Variants in SERTAD2 observed in about 807,000 individuals in gnomAD.
The protein encoded by SERTAD2 is SERTA domain containing 2.
SERTAD2 carries 2 observed loss-of-function variants against 15.4 expected under a neutral mutation model. That is an observed-to-expected ratio of 0.13 (90% CI 0.05 to 0.41). SERTAD2 has a LOEUF of 0.41. Ranked by LOEUF, SERTAD2 falls within the 10% of genes least tolerant of loss-of-function variation. The pLI is 0.99. For synonymous variants in SERTAD2, 180 were observed against 178.0 expected (o/e 1.01, Z -0.09); for missense variants, 333 against 409.7 (o/e 0.81, Z 1.62).
Position 64,633,884 on chromosome 2 carries a change from A to C in SERTAD2, c.*2043T>G, listed in dbSNP as rs1005134899. ...GGAAAAAGTAAATTAGAATGTAGAA[A>C]GCCTTTATCATATCATACTCAAATC... On this transcript the variant is annotated 3_prime_UTR_variant, in exon 2 of 2. Coordinates refer to ENST00000313349, the MANE Select transcript of SERTAD2 (RefSeq NM_014755.3). 12 of 152,560 alleles carry C rather than the reference A, an allele frequency of 7.9e-5. No individual in the cohort carries two copies. Among genetic ancestry groups the C allele is most frequent in the African/African-American group, 2.7e-4 (11 of 41,458 alleles). The allele number at this position is 152,560 out of a possible 1,614,324, so 9.5% of individuals were successfully genotyped here.
intron 1 of SERTAD2, among the ~76,000 whole-genome samples, chr2:64,650,156 C>G (rs1030257443): frequency 2.6e-5 from 4 of 152,164 alleles, no homozygotes; most frequent in African/African-American, 9.7e-5. Context: ...TGGGATCCCT[C>G]AGACCACAAA....
At chr2:64,638,721 T>C (rs995112252) in intron 1 of SERTAD2, among the ~76,000 whole-genome samples, 3 of 152,124 alleles carry the variant, frequency 2.0e-5, no homozygotes, top group Admixed American at 6.5e-5. Context: ...TCAATCACAA[T>C]GACCAGTCCA....
chr2:64,643,361 T>C (rs1183746238), intron 1 of SERTAD2, among the ~76,000 whole-genome samples: 1 of 152,222 alleles, frequency 6.6e-6, no homozygotes, highest in Non-Finnish European at 1.5e-5. Flanking sequence ...TCTGCCGTGG[T>C]GTACGGGCGG....
In SERTAD2 at chr2:64,632,805, G is replaced by GT. The variant is rs1355733336; in HGVS notation, c.*3121dup. Reference sequence around the variant, plus strand: ...CATTCCTACCATACATTCTGCACATGTTACGATCCAGATGTTAGCGCTCCA... The same window carrying GT: ...CATTCCTACCATACATTCTGCACATGTTTACGATCCAGATGTTAGCGCTCCA... On this transcript the variant is annotated 3_prime_UTR_variant, in exon 2 of 2. Transcript: ENST00000313349. 1 of 150,018 alleles carries GT rather than the reference G, an allele frequency of 6.7e-6. No homozygotes were observed. Among genetic ancestry groups the GT allele is most frequent in the African/African-American group, 2.5e-5 (1 of 39,406 alleles). 9.3% of individuals were successfully genotyped at this position (150,018 alleles called of 1,614,324 possible). A position where few individuals can be genotyped will look rare whatever the true frequency, so the allele number is the denominator to read the frequency against.
rs1290992728 is a variant in SERTAD2, at chr2:64,636,592, T to A, written c.280A>T (p.Thr94Ser). 6.2e-7 allele frequency: 1 copy of A among 1,604,386 alleles called. No individual in the cohort carries two copies. The highest frequency in any genetic ancestry group is 8.5e-7 in the Non-Finnish European group (1 of 1,174,090). Residue 94 changes from threonine (T) to serine (S), a missense_variant, in exon 2 of 2, where the codon ACC (threonine) becomes TCC (serine). Physicochemically the swap from Thr to Ser is moderately conservative, Grantham distance 58. Around this residue, in one of 2 missense-constraint regions of SERTAD2, gnomAD observed 332 missense variants for 392.9 expected, o/e 0.84. Coordinates refer to ENST00000313349, the MANE Select transcript of SERTAD2 (RefSeq NM_014755.3). ...TCTCGGTAGCTGTCGCTGGGCTCGG[T>A]GGTGGGCTGGGAGGAGGGGGTGAAC... ...PMFTPSSQPT[T>S]EPSDSYREAP...
intron 1 of SERTAD2, 135 bp from the exon 2 acceptor site, chr2:64,637,010 T>G: frequency 1.6e-6 from 1 of 611,054 alleles, no homozygotes; most frequent in Non-Finnish European, 2.8e-6. Flanking sequence ...ACACGTGGAT[T>G]AATTAGGGGT....
At position 64,636,808 on chromosome 2, in the gene SERTAD2, C is replaced by T. The variant is rs996067433; in HGVS notation, c.64G>A (p.Val22Met). The T allele has an allele frequency of 3.7e-6, 6 of 1,614,040 alleles. No homozygotes were observed. The highest frequency in any genetic ancestry group is 1.1e-5 in the South Asian group (1 of 91,078). The part of the protein sequence containing the change: ...EHEDGLEGKI[V>M]SPCDGPSKVS... ...TTGGATGGACCGTCACAGGGAGACA[C>T]GATTTTGCCTTCCAGCCCATCTTCA... The change falls in exon 2 of 2, where the codon GTG becomes ATG. Residue 22 changes from valine (V) to methionine (M), a missense_variant. Physicochemically the swap from Val to Met is conservative, Grantham distance 21. This residue lies in a region of SERTAD2 where 332 missense variants were observed against 392.9 expected (regional missense o/e 0.84). Transcript: ENST00000313349.
At chr2:64,648,443 A>T (rs1674948955) in intron 1 of SERTAD2, among the ~76,000 whole-genome samples, 1 of 152,212 alleles carries the variant, frequency 6.6e-6, no homozygotes, top group Admixed American at 6.5e-5. Context: ...AAGAATAACT[A>T]CTTTGGGACT....
In SERTAD2 at chr2:64,635,910, C is replaced by G; in HGVS notation, c.*17G>C. On this transcript the variant is annotated 3_prime_UTR_variant, in exon 2 of 2. Transcript: ENST00000313349. ...GCTCTGGGGTCTGGGTGGGCATAGT[C>G]GCTGGGTCCCTGGGTCTTAGGACCC... The G allele has an allele frequency of 1.3e-6, 2 of 1,585,914 alleles. No individual in the cohort carries two copies. Among genetic ancestry groups the G allele is most frequent in the Non-Finnish European group, 1.7e-6 (2 of 1,156,240 alleles).
At position 64,632,673 on chromosome 2, in the gene SERTAD2, T is replaced by C. The variant is rs1436219642; in HGVS notation, c.*3254A>G. On this transcript the variant is annotated 3_prime_UTR_variant, in exon 2 of 2. Coordinates refer to ENST00000313349, the MANE Select transcript of SERTAD2 (RefSeq NM_014755.3). ...CTTTTGCATATTTCAAATAGACCCATATTAGAGAAGAGTAAAAATGAATGC... is the reference window on the plus strand; with the variant it reads ...CTTTTGCATATTTCAAATAGACCCACATTAGAGAAGAGTAAAAATGAATGC... 1 of 152,576 alleles carries C rather than the reference T, an allele frequency of 6.6e-6. No homozygotes were observed. Among genetic ancestry groups the C allele is most frequent in the African/African-American group, 2.4e-5 (1 of 41,436 alleles). 9.5% of individuals were successfully genotyped at this position (152,576 alleles called of 1,614,324 possible).
chr2:64,649,179 T>C (rs1674961207), intron 1 of SERTAD2, among the ~76,000 whole-genome samples: 1 of 152,148 alleles, frequency 6.6e-6, no homozygotes, highest in Non-Finnish European at 1.5e-5. Flanking sequence ...GAGATGACCT[T>C]GGGACTTTCA....
At chr2:64,639,451 G>C (rs1204909970) in intron 1 of SERTAD2, among the ~76,000 whole-genome samples, 1 of 152,206 alleles carries the variant, frequency 6.6e-6, no homozygotes, top group Non-Finnish European at 1.5e-5. Flanking sequence ...AACCAAGAGA[G>C]CCCCTAATCA....
At chr2:64,652,817 G>T (rs1573094181) in intron 1 of SERTAD2, among the ~76,000 whole-genome samples, 1 of 150,804 alleles carries the variant, frequency 6.6e-6, no homozygotes, top group African/African-American at 2.4e-5. Context: ...GACTCCCATC[G>T]CAATCTATTA....
chr2:64,652,986 A>T (rs1558657777), intron 1 of SERTAD2, among the ~76,000 whole-genome samples: 1 of 152,204 alleles, frequency 6.6e-6, no homozygotes, highest in Non-Finnish European at 1.5e-5. Flanking sequence ...TTTCAGTCAT[A>T]GGCGGTTACC....
At chr2:64,649,002 G>GA (rs1674957294) in intron 1 of SERTAD2, among the ~76,000 whole-genome samples, 1 of 152,192 alleles carries the variant, frequency 6.6e-6, no homozygotes, top group Admixed American at 6.5e-5. Context: ...GAGAGGTACA[G>GA]ATGGGCAGGG....
intron 1 of SERTAD2, among the ~76,000 whole-genome samples, chr2:64,651,518 G>A (rs1031584697): frequency 1.6e-4 from 25 of 152,094 alleles, no homozygotes; most frequent in African/African-American, 4.8e-4. Flanking sequence ...GCTATCAGTC[G>A]CCACACAAAT....
At chr2:64,652,279 GA>G (rs1372765753) in intron 1 of SERTAD2, among the ~76,000 whole-genome samples, 20 of 152,240 alleles carry the variant, frequency 1.3e-4, no homozygotes, top group South Asian at 2.1e-4. Flanking sequence ...TAAAAAGGGG[GA>G]GGGATGGGAG....
In SERTAD2 at chr2:64,636,215, T is replaced by C. The variant is rs1259464029; in HGVS notation, c.657A>G (p.Ser219=). 10 of 1,614,174 alleles carry C rather than the reference T, an allele frequency of 6.2e-6. No homozygotes were observed. Among genetic ancestry groups the C allele is most frequent in the Non-Finnish European group, 8.5e-6 (10 of 1,180,032 alleles). Residue 219 remains serine (S), a synonymous_variant, in exon 2 of 2, where the codon TCA becomes TCG. Transcript: ENST00000313349. ...TCCCAGGCAGAGAGTCCATCAGTTT[T>C]GAGTCATCTGCGCGGCTCTCTTGAG... ...DGPQESRADD[S]KLMDSLPGNF... is the part of the protein sequence containing the mutation.
In SERTAD2 at chr2:64,632,254, T is replaced by C. The variant is rs1453481194; in HGVS notation, c.*3673A>G. ...GCACGAAGTAGAGTCTTTTTTTTTT[T>C]TTTTTTTACATTTGTCATTTAAGAA... On this transcript the variant is annotated 3_prime_UTR_variant, in exon 2 of 2. Coordinates refer to ENST00000313349, the MANE Select transcript of SERTAD2 (RefSeq NM_014755.3). The C allele has an allele frequency of 6.6e-6, 1 of 152,588 alleles. No homozygotes were observed. Among genetic ancestry groups the C allele is most frequent in the East Asian group, 1.9e-4 (1 of 5,202 alleles). 9.5% of individuals were successfully genotyped at this position (152,588 alleles called of 1,614,324 possible). A position where few individuals can be genotyped will look rare whatever the true frequency, so the allele number is the denominator to read the frequency against.
Sources: allele counts gnomAD v4.1 joint callset (sites outside exome capture counted in the v4.1 genomes callset), GRCh38; gene constraint gnomAD v4.1.1; regional missense constraint gnomAD v4.1.1; transcripts MANE v1.5; gene names NCBI Gene and HGNC (gene_info 2026-07-23, HGNC 2026-07-21).